SORCS1: variants seen among roughly 807,000 people sequenced by gnomAD.
SORCS1 encodes sortilin related VPS10 domain containing receptor 1.
Under a neutral mutation model 146.1 loss-of-function variants are expected in SORCS1, and 60 were observed. The ratio of observed to expected loss-of-function variants is 0.41; its 90% confidence interval spans 0.33 to 0.51. The LOEUF (loss-of-function observed/expected upper bound fraction) is 0.51, where lower values mean the gene tolerates loss of function less well. Among genes scored for constraint, SORCS1 ranks in the 20% least tolerant of loss-of-function variants. The pLI is 0.21. For missense variants in SORCS1, 1,352 were observed against 1,487.6 expected (o/e 0.91, Z 1.50); for synonymous variants, 637 against 584.0 (o/e 1.09, Z -1.31).
chr10:106,706,525 GA>G lies in SORCS1; in HGVS notation c.1233+19del, dbSNP rs754863666. 3.1e-6 allele frequency: 5 copies of G among 1,611,806 alleles called. No individual in the cohort carries two copies. Among genetic ancestry groups the G allele is most frequent in the Non-Finnish European group, 2.5e-6 (3 of 1,178,010 alleles). On this transcript the variant is annotated intron_variant, in intron 8 of 25. Coordinates refer to ENST00000263054, the MANE Select transcript of SORCS1 (RefSeq NM_052918.5). ...GAATGAGAGTCAAGAGTGAAATGAA[GA>G]AAGTGATTTAGGCCATACCTTGGGC...
intron 1 of SORCS1, among the ~76,000 whole-genome samples, chr10:106,985,082 G>C (rs1011407585): frequency 6.6e-6 from 1 of 152,132 alleles, no homozygotes. Context: ...AGCTACTCAG[G>C]AGGCTGAGGA....
rs1950238525 is a variant in SORCS1 at position 106,866,878 on chromosome 10, A to G, written c.627-37205T>C. On this transcript the variant is annotated intron_variant, in intron 2 of 25. Transcript: ENST00000263054. ...ACTTAATCTACACTGCACTTAAAGG[A>G]ACACCCACATGCAGAGATGAGAAAA... Among the ~76,000 whole-genome samples, 3 of 152,338 alleles carry G rather than the reference A, an allele frequency of 2.0e-5. No individual in the cohort carries two copies. The South Asian group carries it at 6.2e-4, about 32-fold the overall frequency.
In SORCS1 at chr10:106,672,922, A is replaced by T; in HGVS notation, c.2004T>A (p.Ile668=). ...WQLVKVDYKS[I]FDRRCAEEDY... ...CCTCTTCGGCACACCGTCTATCAAAAATGGACTTGTAATCTACTTTGACCA... is the reference window on the plus strand; with the variant it reads ...CCTCTTCGGCACACCGTCTATCAAATATGGACTTGTAATCTACTTTGACCA... The change falls in exon 15 of 26, where the codon ATT becomes ATA. Residue 668 remains isoleucine (I), a synonymous_variant. Transcript: ENST00000263054. 6.2e-7 allele frequency: 1 copy of T among 1,614,096 alleles called. No homozygotes were observed. The highest frequency in any genetic ancestry group is 8.5e-7 in the Non-Finnish European group (1 of 1,180,010).
Position 107,001,935 on chromosome 10 carries a change from T to TAACTTTTC in SORCS1, c.559-45363_559-45356dup, listed in dbSNP as rs1490622393. Reference sequence around the variant, plus strand: ...TTGAATTGAAAGAGAAGGAATTTATTAACTTTTCTTTCTTCATATATTTTC... The same window carrying TAACTTTTC: ...TTGAATTGAAAGAGAAGGAATTTATTAACTTTTCAACTTTTCTTTCTTCATATATTTTC... On this transcript the variant is annotated intron_variant, in intron 1 of 25. Transcript: ENST00000263054. Among the ~76,000 whole-genome samples, 3 of 152,368 alleles carry TAACTTTTC rather than the reference T, an allele frequency of 2.0e-5. No individual in the cohort carries two copies. In the East Asian group the frequency reaches 5.8e-4, roughly 29 times the overall value.
chr10:106,878,650 T>TATATATA (rs1344451408), intron 2 of SORCS1, among the ~76,000 whole-genome samples: 36 of 66,832 alleles, frequency 5.4e-4, no homozygotes, highest in African/African-American at 1.6e-3. Context: ...ATATATATAT[T>TATATATA]TTATAGCAGC....
chr10:107,026,677 GAA>G, intron 1 of SORCS1, among the ~76,000 whole-genome samples: 1 of 151,900 alleles, frequency 6.6e-6, no homozygotes, highest in African/African-American at 2.4e-5. Context: ...AAAGAGAGAA[GAA>G]AAAAGATAAA....
chr10:106,649,233 C>G (rs1184897564), intron 18 of SORCS1, among the ~76,000 whole-genome samples: 1 of 152,088 alleles, frequency 6.6e-6, no homozygotes, highest in Non-Finnish European at 1.5e-5. Context: ...GTCTACAGAC[C>G]GCAAAACAGA....
intron 1 of SORCS1, among the ~76,000 whole-genome samples, chr10:107,123,027 T>C (rs77695212): frequency 0.012 from 1,769 of 151,842 alleles, 33 homozygotes; most frequent in African/African-American, 0.04. Context: ...CCCCTTTCTT[T>C]TTTTCACTTT....
At chr10:106,746,581 AG>A (rs761003736) in intron 5 of SORCS1, among the ~76,000 whole-genome samples, 22 of 152,238 alleles carry the variant, frequency 1.4e-4, no homozygotes, top group Non-Finnish European at 2.9e-4. Context: ...AAAATAATTA[AG>A]CTACTTCATT....
intron 1 of SORCS1, among the ~76,000 whole-genome samples, chr10:107,050,630 T>C (rs1960015290): frequency 6.6e-6 from 1 of 152,166 alleles, no homozygotes; most frequent in Non-Finnish European, 1.5e-5. Flanking sequence ...ATGCCACAAG[T>C]TCATCTTGTC....
At chr10:106,911,493 T>A (rs1008853029) in intron 2 of SORCS1, among the ~76,000 whole-genome samples, 1 of 152,062 alleles carries the variant, frequency 6.6e-6, no homozygotes, top group African/African-American at 2.4e-5. Context: ...CCCTATCCTA[T>A]TTATAGATTA....
chr10:106,752,986 A>G (rs954431485), intron 5 of SORCS1, among the ~76,000 whole-genome samples: 5 of 152,172 alleles, frequency 3.3e-5, no homozygotes, highest in African/African-American at 1.2e-4. Flanking sequence ...ACATAAATTG[A>G]AAGTGAGTGA....
intron 5 of SORCS1, among the ~76,000 whole-genome samples, chr10:106,759,912 T>A: frequency 5.4e-5 from 1 of 18,664 alleles, no homozygotes; most frequent in African/African-American, 2.5e-4. Context: ...CATAATAAAC[T>A]GCATCCCTCA....
At chr10:106,589,727 C>A (rs1359247851) in intron 24 of SORCS1, among the ~76,000 whole-genome samples, 1 of 150,392 alleles carries the variant, frequency 6.6e-6, no homozygotes, top group Non-Finnish European at 1.5e-5. Context: ...ACAAGCTCCA[C>A]CTCCCAGGTC....
intron 1 of SORCS1, among the ~76,000 whole-genome samples, chr10:107,036,213 T>A (rs200603873): frequency 7.5e-5 from 5 of 66,316 alleles, no homozygotes; most frequent in Admixed American, 5.8e-4. Context: ...CAATAAAAAA[T>A]AATATGAATA....
At chr10:106,665,982 A>T (rs1851105023) in intron 17 of SORCS1, among the ~76,000 whole-genome samples, 1 of 152,084 alleles carries the variant, frequency 6.6e-6, no homozygotes. Context: ...CTGGGACTAC[A>T]GGCACCCACC....
intron 3 of SORCS1, among the ~76,000 whole-genome samples, chr10:106,814,819 G>A (rs941695708): frequency 6.9e-6 from 1 of 144,732 alleles, no homozygotes; most frequent in Non-Finnish European, 1.5e-5. Context: ...GAAGGCTGAG[G>A]CAGGAGAATG....
the SORCS1 span, among the ~76,000 whole-genome samples, chr10:107,172,030 T>C: frequency 6.6e-6 from 1 of 152,196 alleles, no homozygotes; most frequent in South Asian, 2.1e-4. Flanking sequence ...GGAGCTGTGG[T>C]TCTCCAGGGG....
chr10:106,828,430 C>A (rs542190280), intron 3 of SORCS1, among the ~76,000 whole-genome samples: 36 of 152,276 alleles, frequency 2.4e-4, no homozygotes, highest in African/African-American at 8.2e-4. Context: ...GTTTGGGGAC[C>A]ACTTTTGACA....
Sources: gnomAD v4.1 joint callset for allele counts (sites outside exome capture counted in the v4.1 genomes callset) on GRCh38, gnomAD v4.1.1 for gene constraint, MANE v1.5 for transcripts, NCBI Gene and HGNC (gene_info 2026-07-23, HGNC 2026-07-21) for gene names.